DAAM2: variants seen among roughly 807,000 people sequenced by gnomAD.
The protein encoded by DAAM2 is disheveled-associated activator of morphogenesis 2.
Under a neutral mutation model 120.7 loss-of-function variants are expected in DAAM2, and 39 were observed. That is an observed-to-expected ratio of 0.32 (90% CI 0.25 to 0.42). DAAM2 has a LOEUF of 0.42. Among genes scored for constraint, DAAM2 ranks in the 10% least tolerant of loss-of-function variants. The pLI is 1.00. For synonymous variants in DAAM2, 488 were observed against 524.9 expected (o/e 0.93, Z 0.96); for missense variants, 1,283 against 1,401.7 (o/e 0.92, Z 1.35).
chr6:39,834,138 C>T (rs1763018849), intron 1 of DAAM2, among the ~76,000 whole-genome samples: 1 of 152,152 alleles, frequency 6.6e-6, no homozygotes, highest in Non-Finnish European at 1.5e-5. Context: ...GATGTAGCGC[C>T]TTGAATAACG....
At chr6:39,801,211 G>T (rs1200634932) in intron 1 of DAAM2, among the ~76,000 whole-genome samples, 1 of 152,142 alleles carries the variant, frequency 6.6e-6, no homozygotes, top group Non-Finnish European at 1.5e-5. Context: ...GCTATGTCAG[G>T]ATATGAAAAA....
intron 3 of DAAM2, chr6:39,861,349 C>T (rs527746023): frequency 1.0e-5 from 4 of 390,158 alleles, no homozygotes; most frequent in African/African-American, 6.2e-5. Context: ...TGGACCATAC[C>T]TGGAGCAGCT....
intron 1 of DAAM2, among the ~76,000 whole-genome samples, chr6:39,794,503 G>A (rs912905094): frequency 3.9e-5 from 6 of 152,138 alleles, no homozygotes; most frequent in Non-Finnish European, 7.3e-5. Flanking sequence ...CATTCTCCTG[G>A]GCATTAGAAC....
intron 1 of DAAM2, among the ~76,000 whole-genome samples, chr6:39,832,433 A>T (rs1041661723): frequency 1.3e-5 from 2 of 148,800 alleles, no homozygotes; most frequent in African/African-American, 2.6e-5. Flanking sequence ...GGTGGTGATG[A>T]TGATTGATGA....
Position 39,902,096 on chromosome 6 carries a change from G to A in DAAM2, c.*59G>A. 4.3e-6 allele frequency: 6 copies of A among 1,408,710 alleles called. No homozygotes were observed. The highest frequency in any genetic ancestry group is 4.9e-6 in the Non-Finnish European group (5 of 1,026,188). 87.3% of individuals were successfully genotyped at this position (1,408,710 alleles called of 1,614,324 possible). ...CAGGGACTGGTGAGAATGGGGCTGA[G>A]TGGAGGAGGTGGTGATATTTAAACC... On this transcript the variant is annotated 3_prime_UTR_variant, in exon 25 of 25. Transcript: ENST00000274867.
At chr6:39,839,326 C>G (rs143304932) in intron 1 of DAAM2, among the ~76,000 whole-genome samples, 3 of 152,334 alleles carry the variant, frequency 2.0e-5, no homozygotes, top group African/African-American at 4.8e-5. Flanking sequence ...GTCTTCCCCC[C>G]AGATCTGTTT....
intron 3 of DAAM2, among the ~76,000 whole-genome samples, chr6:39,863,902 A>G (rs114405185): frequency 1.4e-4 from 21 of 152,086 alleles, no homozygotes; most frequent in African/African-American, 4.3e-4. Context: ...AAATTTCTCT[A>G]TTTTTCTAAA....
At chr6:39,819,983 C>T (rs7769617) in intron 1 of DAAM2, 4,278 of 152,318 alleles carry the variant, frequency 0.028, 202 homozygotes, top group African/African-American at 0.095. Context: ...TCCATAGCAA[C>T]GGGCAAAGCT....
chr6:39,867,392 AGTGGCTACT>A (rs1404760340), intron 5 of DAAM2, 109 bp from the exon 6 acceptor site: 1 of 861,000 alleles, frequency 1.2e-6, no homozygotes, highest in East Asian at 2.5e-5. Context: ...GAATAAACCA[AGTGGCTACT>A]GTAGGTGGGA....
chr6:39,877,658 G>A (rs1234853545), intron 11 of DAAM2, among the ~76,000 whole-genome samples: 1 of 152,182 alleles, frequency 6.6e-6, no homozygotes, highest in African/African-American at 2.4e-5. Flanking sequence ...CAAGGTAAAA[G>A]CTAAATTTGA....
rs149687688 is a variant in DAAM2 at position 39,900,322 on chromosome 6, T to G, written c.2811+114T>G. Reference sequence around the variant, plus strand: ...GGACAAACCCAGAGTTACAGAGCTTTGAGAGAAAACCGTTTCTTCGCTCTT... The same window carrying G: ...GGACAAACCCAGAGTTACAGAGCTTGGAGAGAAAACCGTTTCTTCGCTCTT... On this transcript the variant is annotated intron_variant, in intron 23 of 24. Transcript: ENST00000274867. The G allele has an allele frequency of 2.3e-6, 3 of 1,278,288 alleles. No homozygotes were observed. The African/African-American group carries it at 4.5e-5, about 19-fold the overall frequency. The allele number at this position is 1,278,288 out of a possible 1,614,324, so 79.2% of individuals were successfully genotyped here.
chr6:39,834,539 G>T (rs1234229601), intron 1 of DAAM2, among the ~76,000 whole-genome samples: 1 of 152,158 alleles, frequency 6.6e-6, no homozygotes, highest in African/African-American at 2.4e-5. Flanking sequence ...TAGCTGTTGA[G>T]GATCATGTGC....
intron 1 of DAAM2, among the ~76,000 whole-genome samples, chr6:39,794,462 G>A (rs529040229): frequency 1.8e-4 from 28 of 152,260 alleles, no homozygotes; most frequent in South Asian, 6.2e-4. Flanking sequence ...GGGAATACTC[G>A]TGCCCCCATC....
intron 5 of DAAM2, among the ~76,000 whole-genome samples, chr6:39,866,029 A>T (rs1169988061): frequency 6.6e-6 from 1 of 151,970 alleles, no homozygotes; most frequent in South Asian, 2.1e-4. Context: ...GCCACCCTTC[A>T]CCCTTCCCCT....
At position 39,899,948 on chromosome 6, in the gene DAAM2, T is replaced by C. The variant is rs1766369194; in HGVS notation, c.2680-129T>C. ...ATAGTCTTTGCCATCCTTAGAACTT[T>C]GAGATGCAGGGTGTTCCCTCTTCCA... On this transcript the variant is annotated intron_variant, in intron 22 of 24. Coordinates refer to ENST00000274867, the MANE Select transcript of DAAM2 (RefSeq NM_001201427.2). 3 of 1,043,106 alleles carry C rather than the reference T, an allele frequency of 2.9e-6. No homozygotes were observed. In the Admixed American group the frequency reaches 8.3e-5, roughly 29 times the overall value. 64.6% of individuals were successfully genotyped at this position (1,043,106 alleles called of 1,614,324 possible).
chr6:39,827,829 G>C (rs7746124), intron 1 of DAAM2, among the ~76,000 whole-genome samples: 45,613 of 149,996 alleles, frequency 0.3, 7,446 homozygotes, highest in African/African-American at 0.44. Flanking sequence ...GAGCCCTGGA[G>C]TACTTCTTGG....
At chr6:39,892,154 G>A (rs546176591) in intron 19 of DAAM2, among the ~76,000 whole-genome samples, 1 of 152,184 alleles carries the variant, frequency 6.6e-6, no homozygotes, top group Non-Finnish European at 1.5e-5. Context: ...GTAGGAAATT[G>A]CACAAGCTGA....
chr6:39,860,213 C>G (rs1764155940), intron 2 of DAAM2, among the ~76,000 whole-genome samples: 1 of 152,204 alleles, frequency 6.6e-6, no homozygotes. Context: ...TTCCAGTTAG[C>G]TCCTTGGAAA....
chr6:39,901,758 C>T lies in DAAM2; in HGVS notation c.2983-55C>T. On this transcript the variant is annotated intron_variant, in intron 24 of 24. Transcript: ENST00000274867. This position sits in a 1 kb window ranked among gnomAD's most constrained non-coding sequence, Gnocchi z 4.5. ...GTTAGCCCAGGGTTGGGGGGCTGCC[C>T]TGGCCTCAGCGCCTCTCCCTGAGAG... 6.9e-7 allele frequency: 1 copy of T among 1,444,506 alleles called. No homozygotes were observed. The highest frequency in any genetic ancestry group is 1.4e-5 in the South Asian group (1 of 70,176). 89.5% of individuals were successfully genotyped at this position (1,444,506 alleles called of 1,614,324 possible).
Sources: allele counts gnomAD v4.1 joint callset (sites outside exome capture counted in the v4.1 genomes callset), GRCh38; gene constraint gnomAD v4.1.1; non-coding constraint Gnocchi (gnomAD v3.1); transcripts MANE v1.5; gene names NCBI Gene and HGNC (gene_info 2026-07-23, HGNC 2026-07-21).